The following HLCS variants were observed in gnomAD, a reference collection of about 807,000 sequenced individuals.
HLCS encodes holocarboxylase synthetase, also known as biotin--protein ligase.
Under a neutral mutation model 75.0 loss-of-function variants are expected in HLCS, and 53 were observed. The ratio of observed to expected loss-of-function variants is 0.71; its 90% CI spans 0.57 to 0.89. HLCS has a LOEUF of 0.89. Ranked by LOEUF, HLCS falls within the 40% of genes least tolerant of loss-of-function variation. The probability of loss-of-function intolerance (pLI) is 0.00; values close to 1 mark genes in which losing one functional copy is unlikely to be tolerated. For synonymous variants in HLCS, 431 were observed against 428.6 expected, an observed-to-expected ratio of 1.01 and a Z score of -0.07; for missense variants, 966 against 1,074.0, an observed-to-expected ratio of 0.90 and a Z score of 1.41.
At chr21:36,836,315 A>AT (rs11390960) in intron 6 of HLCS, among the ~76,000 whole-genome samples, 8,075 of 151,808 alleles carry the variant, frequency 0.053, 331 homozygotes, top group East Asian at 0.17. Context: ...TCCTGAGGGA[A>AT]TTTTTTTTTA....
At chr21:36,787,022 C>A (rs565371919) in intron 6 of HLCS, among the ~76,000 whole-genome samples, 11 of 151,982 alleles carry the variant, frequency 7.2e-5, no homozygotes, top group African/African-American at 1.4e-4. Context: ...GAGAATGAAG[C>A]TGGCCTTCAC....
chr21:36,937,755 A>G (rs1185888840), intron 3 of HLCS, among the ~76,000 whole-genome samples: 2 of 152,188 alleles, frequency 1.3e-5, no homozygotes, highest in African/African-American at 4.8e-5. Context: ...AATGAAACTG[A>G]GCAATAAAAA....
intron 4 of HLCS, among the ~76,000 whole-genome samples, chr21:36,931,331 G>T (rs2066633183): frequency 6.9e-6 from 1 of 145,662 alleles, no homozygotes; most frequent in Non-Finnish European, 1.5e-5. Flanking sequence ...CAGTTATGCT[G>T]AAAACCTAAT....
At chr21:36,875,505 T>G (rs575308036) in intron 6 of HLCS, among the ~76,000 whole-genome samples, 20 of 152,246 alleles carry the variant, frequency 1.3e-4, no homozygotes, top group African/African-American at 4.8e-4. Context: ...CTACCCACCA[T>G]GGGTCTCCTC....
In HLCS at chr21:36,824,046, G is replaced by A. The variant is rs961429996; in HGVS notation, c.1893-56761C>T. Among the ~76,000 whole-genome samples, 15 of 152,208 alleles carry A rather than the reference G, an allele frequency of 9.9e-5. No homozygotes were observed. In the South Asian group the frequency reaches 1.2e-3, roughly 13 times the overall value. On this transcript the variant is annotated intron_variant, in intron 6 of 10. Coordinates refer to ENST00000674895, the MANE Select transcript of HLCS (RefSeq NM_001352514.2). ...TGTAATCCCAGCACTTTGGGAGGCC[G>A]AGGCAGGCGGATCACCTGAGGTCAG...
At chr21:36,812,574 T>C (rs1458348933) in intron 6 of HLCS, among the ~76,000 whole-genome samples, 1 of 152,190 alleles carries the variant, frequency 6.6e-6, no homozygotes, top group Non-Finnish European at 1.5e-5. Context: ...TGACTTAGTT[T>C]GTTTAAATTG....
chr21:36,925,323 TTG>T (rs2066353096), intron 5 of HLCS, among the ~76,000 whole-genome samples: 1 of 152,148 alleles, frequency 6.6e-6, no homozygotes, highest in Non-Finnish European at 1.5e-5. Flanking sequence ...TCCAGCCGGC[TTG>T]TGTTTCTCAG....
intron 6 of HLCS, among the ~76,000 whole-genome samples, chr21:36,817,674 CTG>C (rs1325373757): frequency 6.6e-6 from 1 of 152,182 alleles, no homozygotes; most frequent in African/African-American, 2.4e-5. Context: ...GACATCCAAA[CTG>C]TGTGGATTTG....
chr21:36,925,868 G>T (rs1021574099), intron 5 of HLCS, among the ~76,000 whole-genome samples: 1 of 152,186 alleles, frequency 6.6e-6, no homozygotes, highest in Admixed American at 6.5e-5. Context: ...CATCAGATTC[G>T]ATAGAAAATA....
At chr21:36,913,274 C>A (rs896350507) in intron 5 of HLCS, among the ~76,000 whole-genome samples, 21 of 152,174 alleles carry the variant, frequency 1.4e-4, no homozygotes, top group African/African-American at 5.1e-4. Context: ...ACAAAGAGAC[C>A]TACCTAACCC....
In HLCS at chr21:36,810,542, C is replaced by T. The variant is rs546897531; in HGVS notation, c.1893-43257G>A. Among the ~76,000 whole-genome samples, 7 of 152,322 alleles carry T rather than the reference C, an allele frequency of 4.6e-5. No homozygotes were observed. The South Asian group carries it at 1.2e-3, about 27-fold the overall frequency. On this transcript the variant is annotated intron_variant, in intron 6 of 10. Transcript: ENST00000674895. ...ACCTTGTCCCAACGAGGTTCTCCCA[C>T]CATAAACTTGCCTGCTTCTGCTCAC...
chr21:36,803,879 G>A (rs748735320), intron 6 of HLCS: 16 of 151,810 alleles, frequency 1.1e-4, no homozygotes, highest in African/African-American at 1.9e-4. Flanking sequence ...CAGGAACAAC[G>A]TCTGTGCACA....
intron 2 of HLCS, among the ~76,000 whole-genome samples, chr21:36,955,858 T>C (rs1440813217): frequency 6.6e-6 from 1 of 152,228 alleles, no homozygotes; most frequent in Non-Finnish European, 1.5e-5. Context: ...TCTTTTATAC[T>C]GTATCTTTAC....
chr21:36,888,453 T>A (rs1291721229), intron 6 of HLCS, among the ~76,000 whole-genome samples: 867 of 10,782 alleles, frequency 0.08, 29 homozygotes, highest in African/African-American at 0.093. Flanking sequence ...AAAATATATA[T>A]ATATATATAT....
chr21:36,864,707 T>C (rs114983327), intron 6 of HLCS, among the ~76,000 whole-genome samples: 2,328 of 152,322 alleles, frequency 0.015, 58 homozygotes, highest in African/African-American at 0.052. Context: ...TTGAAATCCA[T>C]TGGAAATCCA....
At chr21:36,904,476 A>T (rs1297629111) in intron 5 of HLCS, among the ~76,000 whole-genome samples, 1 of 152,210 alleles carries the variant, frequency 6.6e-6, no homozygotes, top group Non-Finnish European at 1.5e-5. Flanking sequence ...GAACCAAGTG[A>T]ATTACTCAGA....
At chr21:36,947,915 T>A in intron 2 of HLCS, 1 of 985,272 alleles carries the variant, frequency 1.0e-6, no homozygotes, top group African/African-American at 1.7e-5. Context: ...CTCTTCCAAA[T>A]CATCTTAATT....
At chr21:36,852,710 T>C (rs1429500526) in intron 6 of HLCS, among the ~76,000 whole-genome samples, 1 of 152,098 alleles carries the variant, frequency 6.6e-6, no homozygotes, top group Non-Finnish European at 1.5e-5. Flanking sequence ...TAAAGCCTGA[T>C]CGTTAAGCCA....
At chr21:36,818,007 C>T (rs912677780) in intron 6 of HLCS, among the ~76,000 whole-genome samples, 1 of 152,222 alleles carries the variant, frequency 6.6e-6, no homozygotes. Context: ...CTGCACTGCT[C>T]TGACCTTCTC....
Sources: allele counts gnomAD v4.1 joint callset (sites outside exome capture counted in the v4.1 genomes callset), GRCh38; gene constraint gnomAD v4.1.1; transcripts MANE v1.5; gene names NCBI Gene and HGNC (gene_info 2026-07-23, HGNC 2026-07-21).